The following FANCD2 variants were observed in gnomAD, a reference collection of about 807,000 sequenced individuals.
FANCD2 encodes the protein FA complementation group D2.
Under a neutral mutation model 192.3 loss-of-function variants are expected in FANCD2, and 131 were observed. That is an observed-to-expected ratio of 0.68 (90% CI 0.59 to 0.79). FANCD2 has a LOEUF of 0.79. Ranked by LOEUF, FANCD2 falls within the 30% of genes least tolerant of loss-of-function variation. The pLI, the probability that FANCD2 is intolerant of heterozygous loss-of-function variation, is 0.00. For missense variants in FANCD2, 1,508 were observed against 1,701.6 expected (o/e 0.89, Z 2.00); for synonymous variants, 524 against 612.5 (o/e 0.86, Z 2.13).
intron 35 of FANCD2, 50 bp from the exon 36 acceptor site, chr3:10,088,778 T>TGTATTCTACTTTGTTAATTAGTGGGTCAA (rs748776499): frequency 1.6e-5 from 25 of 1,596,542 alleles, no homozygotes; most frequent in African/African-American, 2.7e-5. Context: ...AATCTGTAGT[T>TGTATTCTACTTTGTTAATTAGTGGGTCAA]GTATTCTACT....
rs530174859 is a variant in FANCD2 at position 10,080,693 on chromosome 3, C to T, written c.2977-407C>T. Among the ~76,000 whole-genome samples the T allele has an allele frequency of 7.4e-4, 112 of 152,196 alleles. 1 individual carries two copies. In the South Asian group the frequency reaches 0.018, roughly 25 times the overall value. ...GGCTGAGGTGAGAGGATCACTTGAG[C>T]CCAGGAATTCAAGGCTGCAGTGAGC... is the stretch of plus-strand genomic sequence containing the variant. On this transcript the variant is annotated intron_variant, in intron 30 of 43. Transcript: ENST00000675286.
In FANCD2 at chr3:10,101,538, A is replaced by G. The variant is rs1033062492; in HGVS notation, c.*276A>G. The G allele has an allele frequency of 2.3e-6, 1 of 436,982 alleles. No individual in the cohort carries two copies. The highest frequency in any genetic ancestry group is 3.7e-5 in the Admixed American group (1 of 26,804). The allele number at this position is 436,982 out of a possible 1,614,324, so 27.1% of individuals were successfully genotyped here. A position where few individuals can be genotyped will look rare whatever the true frequency, so the allele number is the denominator to read the frequency against. On this transcript the variant is annotated 3_prime_UTR_variant, in exon 44 of 44. Coordinates refer to ENST00000675286, the MANE Select transcript of FANCD2 (RefSeq NM_001018115.3). ...GTAGCTGGGACGACAGGCACATGCC[A>G]CCATGCCCAGCTAATTTTTGTATTT...
At chr3:10,099,612 G>C (rs1273093275) in intron 43 of FANCD2, 3 of 155,010 alleles carry the variant, frequency 1.9e-5, no homozygotes, top group African/African-American at 7.2e-5. Context: ...ACAAAAATTA[G>C]CTGGGTGTGG....
rs768483495 is a variant in FANCD2, at chr3:10,081,251, C to T, written c.3105+23C>T. 5 of 1,613,964 alleles carry T rather than the reference C, an allele frequency of 3.1e-6. No homozygotes were observed. The Admixed American group carries it at 6.7e-5, about 22-fold the overall frequency. ...CAGGTCAGAAGCCTAGACTTAGAAGCTGCTAAGCAAATATGAGGTTTCATT... is the reference window on the plus strand; with the variant it reads ...CAGGTCAGAAGCCTAGACTTAGAAGTTGCTAAGCAAATATGAGGTTTCATT... On this transcript the variant is annotated intron_variant, in intron 31 of 43. Coordinates refer to ENST00000675286, the MANE Select transcript of FANCD2 (RefSeq NM_001018115.3).
intron 30 of FANCD2, among the ~76,000 whole-genome samples, chr3:10,079,750 C>T (rs1432491708): frequency 1.3e-5 from 2 of 152,210 alleles, no homozygotes; most frequent in African/African-American, 4.8e-5. Context: ...CTGTCTAGAA[C>T]GTCCAGAACT....
At chr3:10,074,916 T>TTACTAC (rs113253588) in intron 29 of FANCD2, among the ~76,000 whole-genome samples, 12 of 151,674 alleles carry the variant, frequency 7.9e-5, no homozygotes, top group Admixed American at 2.0e-4. Flanking sequence ...TACATTTAGG[T>TTACTAC]TACTACTACT....
intron 20 of FANCD2, 50 bp downstream of exon 20, chr3:10,062,261 T>G (rs767147846): frequency 1.1e-5 from 15 of 1,380,666 alleles, no homozygotes; most frequent in East Asian, 2.3e-5. Context: ...TTTTTTTTTT[T>G]AGAGAGTCTC....
At chr3:10,051,415 G>A (rs1384750138) in intron 17 of FANCD2, among the ~76,000 whole-genome samples, 135 of 7,394 alleles carry the variant, frequency 0.018, 19 homozygotes, top group African/African-American at 0.048. Flanking sequence ...AAACAAAAAG[G>A]AGTGAGGGAT....
chr3:10,064,891 C>T lies in FANCD2; in HGVS notation c.2168+16C>T. On this transcript the variant is annotated intron_variant, in intron 23 of 43. Coordinates refer to ENST00000675286, the MANE Select transcript of FANCD2 (RefSeq NM_001018115.3). The stretch of plus-strand genomic sequence containing the variant: ...CAGGCCAAAAGTCAGTATAGTTTTT[C>T]TTTTCTAAACCTGTTAGTGTTTTGA... The T allele has an allele frequency of 6.2e-7, 1 of 1,613,338 alleles. No homozygotes were observed. The highest frequency in any genetic ancestry group is 8.5e-7 in the Non-Finnish European group (1 of 1,179,378).
intron 30 of FANCD2, 60 bp downstream of exon 30, chr3:10,078,257 T>G (rs1382639978): frequency 6.0e-6 from 7 of 1,165,922 alleles, no homozygotes; most frequent in Non-Finnish European, 9.1e-6. Context: ...AAGGAGGTAT[T>G]ATGATGAAAA....
chr3:10,080,227 G>C (rs775291700), intron 30 of FANCD2, among the ~76,000 whole-genome samples: 28 of 151,086 alleles, frequency 1.9e-4, no homozygotes, highest in Non-Finnish European at 3.4e-4. Context: ...ATTCTTCTTT[G>C]TATTCACTAT....
intron 29 of FANCD2, among the ~76,000 whole-genome samples, chr3:10,077,283 G>A (rs753028953): frequency 2.0e-4 from 30 of 152,094 alleles, no homozygotes; most frequent in African/African-American, 5.6e-4. Context: ...CCTGCTGGGC[G>A]CAGTGGCTCA....
intron 40 of FANCD2, among the ~76,000 whole-genome samples, chr3:10,094,705 T>TA (rs745760607): frequency 1.8e-4 from 27 of 151,228 alleles, no homozygotes; most frequent in Admixed American, 7.9e-4. Context: ...AGAAATGATT[T>TA]TAAAAAAAAA....
chr3:10,039,992 T>TA lies in FANCD2; in HGVS notation c.695+157dup, dbSNP rs56238688. 3,485 of 632,838 alleles carry TA rather than the reference T, an allele frequency of 5.5e-3. 3 individuals carry two copies. The highest frequency in any genetic ancestry group is 9.2e-3 in the South Asian group (390 of 42,494). 39.2% of individuals were successfully genotyped at this position (632,838 alleles called of 1,614,324 possible). Reference sequence around the variant, plus strand: ...CATGAGTAGGGTATGGGATTTGACTTAAAAAAAAAAGGTATATATTTGAAT... The same window carrying TA: ...CATGAGTAGGGTATGGGATTTGACTTAAAAAAAAAAAGGTATATATTTGAAT... On this transcript the variant is annotated intron_variant, in intron 9 of 43. Coordinates refer to ENST00000675286, the MANE Select transcript of FANCD2 (RefSeq NM_001018115.3).
At chr3:10,090,745 A>C (rs1694553721) in intron 37 of FANCD2, among the ~76,000 whole-genome samples, 1 of 152,220 alleles carries the variant, frequency 6.6e-6, no homozygotes, top group Non-Finnish European at 1.5e-5. Context: ...GACGTGCGCC[A>C]CTGCGCCCGG....
At position 10,063,772 on chromosome 3, in the gene FANCD2, A is replaced by C. The variant is rs369736809; in HGVS notation, c.1828-20A>C. The C allele has an allele frequency of 1.3e-5, 21 of 1,614,012 alleles. No homozygotes were observed. Among genetic ancestry groups the C allele is most frequent in the Non-Finnish European group, 1.6e-5 (19 of 1,180,018 alleles). On this transcript the variant is annotated intron_variant, in intron 20 of 43. Transcript: ENST00000675286. ...AGATTGGCAGCCCAAGGTTTAAACC[A>C]TTCTTCCTCTTTGCTCCAGGTGACC...
chr3:10,094,698 A>G (rs1410917174), intron 40 of FANCD2, among the ~76,000 whole-genome samples: 1 of 152,082 alleles, frequency 6.6e-6, no homozygotes, highest in African/African-American at 2.4e-5. Context: ...TACTCTCAGA[A>G]ATGATTTTAA....
At chr3:10,036,406 C>A in intron 7 of FANCD2, 67 bp downstream of exon 7, 1 of 1,187,642 alleles carries the variant, frequency 8.4e-7, no homozygotes, top group Non-Finnish European at 1.3e-6. Flanking sequence ...GAAAAGGTTA[C>A]TCTGAAAACT....
At chr3:10,054,456 TATATATATATATATA>T (rs2087335856) in intron 18 of FANCD2, among the ~76,000 whole-genome samples, 1 of 22,736 alleles carries the variant, frequency 4.4e-5, no homozygotes, top group African/African-American at 2.1e-4. Context: ...CATATATATA[TATATATATATATATA>T]TATTTTTTTT....
Sources: gnomAD v4.1 joint callset for allele counts (sites outside exome capture counted in the v4.1 genomes callset) on GRCh38, gnomAD v4.1.1 for gene constraint, MANE v1.5 for transcripts, NCBI Gene and HGNC (gene_info 2026-07-23, HGNC 2026-07-21) for gene names.